The following COL5A1 variants were observed in gnomAD, a reference collection of about 807,000 sequenced individuals.
The protein encoded by COL5A1 is collagen alpha-1(V) chain.
In COL5A1, 16 loss-of-function variants were observed where a neutral mutation model predicts 263.7. The observed-to-expected ratio is 0.06, with a 90% confidence interval of 0.04 to 0.09. The LOEUF (loss-of-function observed/expected upper bound fraction) is 0.09, where lower values mean the gene tolerates loss of function less well. Among genes scored for constraint, COL5A1 ranks in the 10% least tolerant of loss-of-function variants. The probability of loss-of-function intolerance (pLI) is 1.00; values close to 1 mark genes in which losing one functional copy is unlikely to be tolerated. For synonymous variants in COL5A1, 1,012 were observed against 1,004.5 expected, an observed-to-expected ratio of 1.01 and a Z score of -0.14; for missense variants, 2,036 against 2,540.5, an observed-to-expected ratio of 0.80 and a Z score of 4.27.
At chr9:134,760,528 C>G (rs1285161532) in intron 18 of COL5A1, among the ~76,000 whole-genome samples, 2 of 131,114 alleles carry the variant, frequency 1.5e-5, no homozygotes, top group Non-Finnish European at 3.2e-5. Flanking sequence ...CCACACACCC[C>G]CACACTCATA....
intron 1 of COL5A1, among the ~76,000 whole-genome samples, chr9:134,656,802 C>T (rs1217629481): frequency 6.6e-6 from 1 of 150,640 alleles, no homozygotes; most frequent in African/African-American, 2.4e-5. Flanking sequence ...CTGTTTGCAG[C>T]TTCAGGCCCA....
In COL5A1 at chr9:134,642,271, G is replaced by A. The variant is rs750916955; in HGVS notation, c.84G>A (p.Leu28=). The A allele has an allele frequency of 2.5e-6, 3 of 1,205,272 alleles. No homozygotes were observed. Among genetic ancestry groups the A allele is most frequent in the South Asian group, 6.5e-5 (2 of 31,004 alleles). The allele number at this position is 1,205,272 out of a possible 1,614,324, so 74.7% of individuals were successfully genotyped here. A position where few individuals can be genotyped will look rare whatever the true frequency, so the allele number is the denominator to read the frequency against. ...PLLPPLLLLL[L]WAPPPSRAAQ... ...TGCCCCCGCTGCTGCTGCTGCTGCT[G>A]TGGGCGCCGCCTCCGAGCCGCGCAG... Residue 28 remains leucine (L), a synonymous_variant, in exon 1 of 66, where the codon CTG becomes CTA. Coordinates refer to ENST00000371817, the MANE Select transcript of COL5A1 (RefSeq NM_000093.5). This position sits in a 1 kb window ranked among gnomAD's most constrained non-coding sequence, Gnocchi z 4.5.
intron 26 of COL5A1, 102 bp from the exon 27 acceptor site, chr9:134,774,757 G>A: frequency 8.1e-7 from 1 of 1,235,588 alleles, no homozygotes; most frequent in Non-Finnish European, 1.2e-6. Context: ...TGTTCGCCCT[G>A]CTCTCAGCAG....
Position 134,758,250 on chromosome 9 carries a change from G to A in COL5A1, c.1889G>A (p.Arg630Gln), listed in dbSNP as rs781667754. 143 of 1,613,920 alleles carry A rather than the reference G, an allele frequency of 8.9e-5. 1 individual carries two copies. Among genetic ancestry groups the A allele is most frequent in the East Asian group, 4.9e-4 (22 of 44,868 alleles). Residue 630 changes from arginine to glutamine, a missense_variant, in exon 18 of 66, where the codon CGG becomes CAG. By Grantham distance (43) the Arg-to-Gln change is conservative. Coordinates refer to ENST00000371817, the MANE Select transcript of COL5A1 (RefSeq NM_000093.5). The surrounding 1 kb of genome is among the most constrained non-coding windows in gnomAD (Gnocchi z 4.1). ...TTTCTGTCCTTTTTGCAGGGTGACC[G>A]GGGTTTCGACGGCCTGGCTGGGTTG... ...MPGQTGPKGD[R>Q]GFDGLAGLPG...
At chr9:134,657,694 G>A (rs1273801901) in intron 1 of COL5A1, among the ~76,000 whole-genome samples, 2 of 151,070 alleles carry the variant, frequency 1.3e-5, no homozygotes, top group Admixed American at 6.6e-5. Context: ...ACCTTCCTCT[G>A]TATTCAGTTC....
At chr9:134,822,729 G>GCCA (rs1839066213) in intron 59 of COL5A1, among the ~76,000 whole-genome samples, 19 of 130,086 alleles carry the variant, frequency 1.5e-4, no homozygotes, top group Non-Finnish European at 2.5e-4. Flanking sequence ...CGCCCCCCCC[G>GCCA]CGGCTGTCTG....
At chr9:134,772,424 G>A (rs998814286) in intron 25 of COL5A1, among the ~76,000 whole-genome samples, 5 of 152,258 alleles carry the variant, frequency 3.3e-5, no homozygotes, top group African/African-American at 1.2e-4. Flanking sequence ...TCACTGGTCT[G>A]TGGACCTGCA....
In COL5A1 at chr9:134,701,348, A is replaced by G. The variant is rs2132573380; in HGVS notation, c.654+15A>G. ...AGGTGTTTGAGGTGAGCAGGAGGGC[A>G]GACCAACCCCTGTGCCCACCAGGGC... On this transcript the variant is annotated intron_variant, in intron 4 of 65. Transcript: ENST00000371817. 2 of 1,612,496 alleles carry G rather than the reference A, an allele frequency of 1.2e-6. No individual in the cohort carries two copies. The highest frequency in any genetic ancestry group is 8.5e-7 in the Non-Finnish European group (1 of 1,179,390).
intron 20 of COL5A1, among the ~76,000 whole-genome samples, chr9:134,764,310 A>G (rs1285948408): frequency 1.1e-5 from 1 of 88,602 alleles, no homozygotes; most frequent in African/African-American, 4.6e-5. Flanking sequence ...GTCTGAGGTC[A>G]TTATAGGGGG....
rs879451854 is a variant in COL5A1, at chr9:134,818,721, G to A, written c.4296G>A (p.Gly1432=). The part of the protein sequence containing the change: ...TGPIGPQGAP[G]KPGPDGLRGI... Reference sequence around the variant, plus strand: ...CCATCGGCCCCCAGGGGGCCCCTGGGAAGCCCGGACCGGATGGCCTTCGAG... The same window carrying A: ...CCATCGGCCCCCAGGGGGCCCCTGGAAAGCCCGGACCGGATGGCCTTCGAG... The change falls in exon 55 of 66, where the codon GGG becomes GGA. Residue 1432 remains glycine (G), a synonymous_variant. Transcript: ENST00000371817. This position sits in a 1 kb window ranked among gnomAD's most constrained non-coding sequence, Gnocchi z 6.0. 2 of 1,611,502 alleles carry A rather than the reference G, an allele frequency of 1.2e-6. No individual in the cohort carries two copies. Among genetic ancestry groups the A allele is most frequent in the Admixed American group, 1.7e-5 (1 of 59,846 alleles).
chr9:134,822,835 G>A (rs1001855686), intron 59 of COL5A1, 163 bp from the exon 60 acceptor site: 30 of 838,378 alleles, frequency 3.6e-5, no homozygotes, highest in African/African-American at 2.2e-4. Flanking sequence ...GCCAGGCCCC[G>A]ACCCTCCTCC....
chr9:134,725,116 G>A (rs1331526449), intron 4 of COL5A1, among the ~76,000 whole-genome samples: 2 of 152,174 alleles, frequency 1.3e-5, no homozygotes, highest in Non-Finnish European at 2.9e-5. Flanking sequence ...GACCGGAGAC[G>A]CCACCGTCTC....
intron 4 of COL5A1, among the ~76,000 whole-genome samples, chr9:134,717,249 C>T (rs1834295408): frequency 6.9e-6 from 1 of 145,850 alleles, no homozygotes; most frequent in Non-Finnish European, 1.5e-5. Context: ...CTGTCAGAAT[C>T]CGCCGGGCCC....
chr9:134,750,042 G>T (rs1221842517), intron 11 of COL5A1, among the ~76,000 whole-genome samples: 1 of 152,186 alleles, frequency 6.6e-6, no homozygotes, highest in Non-Finnish European at 1.5e-5. Flanking sequence ...ATCCACGCAA[G>T]TGGCTGCTCC....
At chr9:134,770,782 AAC>A (rs138938456) in intron 25 of COL5A1, among the ~76,000 whole-genome samples, 1 of 152,246 alleles carries the variant, frequency 6.6e-6, no homozygotes, top group Non-Finnish European at 1.5e-5. Context: ...AATATTGGGA[AAC>A]ACACACAAGT....
At chr9:134,790,013 C>T (rs565226343) in intron 32 of COL5A1, among the ~76,000 whole-genome samples, 22 of 152,278 alleles carry the variant, frequency 1.4e-4, no homozygotes, top group Non-Finnish European at 2.6e-4. Context: ...ACATGCTCCC[C>T]GAAAGATGGC....
chr9:134,668,351 G>T (rs74474756), intron 1 of COL5A1, among the ~76,000 whole-genome samples: 32 of 152,168 alleles, frequency 2.1e-4, no homozygotes, highest in African/African-American at 7.0e-4. Flanking sequence ...AGTGGGAGTC[G>T]GGGGAAGAGG....
chr9:134,663,852 TC>T (rs1242400934), intron 1 of COL5A1, among the ~76,000 whole-genome samples: 1 of 152,144 alleles, frequency 6.6e-6, no homozygotes, highest in Non-Finnish European at 1.5e-5. Context: ...TTGGGGTGGC[TC>T]CCCCTTTTTG....
chr9:134,659,273 C>G (rs890705876), intron 1 of COL5A1, among the ~76,000 whole-genome samples: 2 of 152,174 alleles, frequency 1.3e-5, no homozygotes, highest in African/African-American at 4.8e-5. Flanking sequence ...CCTGTAATCC[C>G]AGCTACTTGG....
Sources: gnomAD v4.1 joint callset for allele counts (sites outside exome capture counted in the v4.1 genomes callset) on GRCh38, gnomAD v4.1.1 for gene constraint, Gnocchi (gnomAD v3.1) non-coding constraint, MANE v1.5 for transcripts, NCBI Gene and HGNC (gene_info 2026-07-23, HGNC 2026-07-21) for gene names.